Variants in FAM117A observed in about 807,000 individuals in gnomAD.
The protein encoded by FAM117A is protein FAM117A.
In FAM117A, 21 loss-of-function variants were observed where a neutral mutation model predicts 44.1. The observed-to-expected ratio is 0.48, with a 90% CI of 0.34 to 0.69. FAM117A has a LOEUF of 0.69. Among genes scored for constraint, FAM117A ranks in the 30% least tolerant of loss-of-function variants. The pLI, the probability that FAM117A is intolerant of heterozygous loss-of-function variation, is 0.01. For synonymous variants in FAM117A, 220 were observed against 238.3 expected (o/e 0.92, Z 0.71); for missense variants, 498 against 589.9 (o/e 0.84, Z 1.61).
At chr17:49,780,212 C>A (rs1232919679) in intron 1 of FAM117A, among the ~76,000 whole-genome samples, 2 of 152,186 alleles carry the variant, frequency 1.3e-5, no homozygotes, top group Non-Finnish European at 2.9e-5. Context: ...GCCCCTATGC[C>A]TGGGAAAGCA....
chr17:49,719,560 A>G, intron 5 of FAM117A, 200 bp downstream of exon 5: 1 of 584,530 alleles, frequency 1.7e-6, no homozygotes, highest in Middle Eastern at 4.8e-4. Flanking sequence ...ACCACCACAA[A>G]GCCTGCCCTA....
chr17:49,781,440 G>C (rs1394314957), intron 1 of FAM117A, among the ~76,000 whole-genome samples: 1 of 152,192 alleles, frequency 6.6e-6, no homozygotes, highest in Non-Finnish European at 1.5e-5. Context: ...TGTAAATTGT[G>C]AAAGTCTTTA....
chr17:49,732,880 G>A, intron 1 of FAM117A, 160 bp from the exon 2 acceptor site: 1 of 722,982 alleles, frequency 1.4e-6, no homozygotes, highest in Non-Finnish European at 2.3e-6. Context: ...AGCACATATG[G>A]TCTGACAAGA....
chr17:49,779,364 T>G (rs1178590306), intron 1 of FAM117A, among the ~76,000 whole-genome samples: 1 of 152,202 alleles, frequency 6.6e-6, no homozygotes. Context: ...CTTCCCAGCA[T>G]CCTGACATGG....
At chr17:49,771,849 G>A (rs1003489522) in intron 1 of FAM117A, among the ~76,000 whole-genome samples, 1 of 152,174 alleles carries the variant, frequency 6.6e-6, no homozygotes, top group Non-Finnish European at 1.5e-5. Context: ...CTTCTCCACT[G>A]TTCCCACTTA....
chr17:49,719,089 C>T (rs1320067114), intron 5 of FAM117A, among the ~76,000 whole-genome samples: 1 of 151,656 alleles, frequency 6.6e-6, no homozygotes, highest in Non-Finnish European at 1.5e-5. Context: ...TGGTGAAACC[C>T]CATCTCTATT....
intron 1 of FAM117A, among the ~76,000 whole-genome samples, chr17:49,749,496 G>C (rs920876460): frequency 1.4e-4 from 20 of 140,398 alleles, no homozygotes; most frequent in African/African-American, 5.0e-4. Flanking sequence ...AGAATCGCCT[G>C]AATCTGGGAG....
intron 7 of FAM117A, among the ~76,000 whole-genome samples, chr17:49,713,663 C>T (rs918076647): frequency 9.2e-5 from 14 of 152,018 alleles, no homozygotes; most frequent in African/African-American, 3.1e-4. Flanking sequence ...CCCACCACCA[C>T]ACCTGGATAA....
rs968873682 is a variant in FAM117A, at chr17:49,710,673, C to T, written c.*582G>A. ...GGGCTGGGCTGCTACTTAAGACAATCTTTAGTCAGGGTGAAAGCGAGATGA... is the reference window on the plus strand; with the variant it reads ...GGGCTGGGCTGCTACTTAAGACAATTTTTAGTCAGGGTGAAAGCGAGATGA... On this transcript the variant is annotated 3_prime_UTR_variant, in exon 8 of 8. Coordinates refer to ENST00000240364, the MANE Select transcript of FAM117A (RefSeq NM_030802.4). 6.5e-6 allele frequency: 1 copy of T among 152,746 alleles called. No individual in the cohort carries two copies. The highest frequency in any genetic ancestry group is 1.5e-5 in the Non-Finnish European group (1 of 68,142). The allele number at this position is 152,746 out of a possible 1,614,324, so 9.5% of individuals were successfully genotyped here.
In FAM117A at chr17:49,759,088, C is replaced by T. The variant is rs149345934; in HGVS notation, c.196+4804G>A. Among the ~76,000 whole-genome samples the T allele has an allele frequency of 8.5e-3, 1,291 of 152,304 alleles. 11 individuals carry two copies. Among genetic ancestry groups the T allele is most frequent in the African/African-American group, 0.012 (516 of 41,564 alleles). On this transcript the variant is annotated intron_variant, in intron 1 of 7. Transcript: ENST00000240364. ...CAACTTTCTAAAGATCTATCTATGT[C>T]TAGAATGTGAGAGAACAAAGTCCTC... is the stretch of plus-strand genomic sequence containing the variant.
At chr17:49,777,736 G>A (rs1294105250) in intron 1 of FAM117A, among the ~76,000 whole-genome samples, 3 of 152,194 alleles carry the variant, frequency 2.0e-5, no homozygotes, top group Admixed American at 1.3e-4. Flanking sequence ...TGGGACCGGG[G>A]CTAATGGCCT....
chr17:49,717,880 C>G (rs1222425485), intron 5 of FAM117A, 166 bp from the exon 6 acceptor site: 1 of 573,648 alleles, frequency 1.7e-6, no homozygotes, highest in Non-Finnish European at 3.0e-6. Context: ...ACCCTTCAAT[C>G]TAGAAGAAAC....
At chr17:49,787,548 C>G (rs2073821209) in intron 1 of FAM117A, among the ~76,000 whole-genome samples, 1 of 152,182 alleles carries the variant, frequency 6.6e-6, no homozygotes, top group African/African-American at 2.4e-5. Flanking sequence ...AGCCCTGCTC[C>G]TGGGGGAAAT....
At chr17:49,772,784 T>C (rs558354887) in intron 1 of FAM117A, among the ~76,000 whole-genome samples, 5 of 152,130 alleles carry the variant, frequency 3.3e-5, no homozygotes, top group African/African-American at 9.6e-5. Flanking sequence ...TATGAAAATA[T>C]AACAGAAGAG....
At chr17:49,777,802 A>G (rs2073779200) in intron 1 of FAM117A, among the ~76,000 whole-genome samples, 2 of 152,124 alleles carry the variant, frequency 1.3e-5, no homozygotes, top group Admixed American at 1.3e-4. Flanking sequence ...TGAGAGATGC[A>G]GCCATTTTTA....
intron 1 of FAM117A, among the ~76,000 whole-genome samples, chr17:49,782,028 A>G (rs1299606473): frequency 6.6e-6 from 1 of 152,000 alleles, no homozygotes; most frequent in Non-Finnish European, 1.5e-5. Context: ...ATGTTAAAAT[A>G]TGCACATAAA....
At chr17:49,779,119 C>T (rs1003798758) in intron 1 of FAM117A, among the ~76,000 whole-genome samples, 11 of 152,124 alleles carry the variant, frequency 7.2e-5, no homozygotes, top group African/African-American at 1.9e-4. Flanking sequence ...AGTGAAGCTG[C>T]GGCACTGAGA....
intron 1 of FAM117A, among the ~76,000 whole-genome samples, chr17:49,742,119 G>C (rs1284135593): frequency 1.3e-5 from 2 of 151,766 alleles, no homozygotes; most frequent in Non-Finnish European, 2.9e-5. Context: ...CTACCAATAA[G>C]ACTACCCCAA....
At position 49,785,994 on chromosome 17, in the gene FAM117A, G is replaced by A. The variant is rs547236556; in HGVS notation, c.-621+2503C>T. On this transcript the variant is annotated intron_variant, in intron 1 of 7. Transcript: ENST00000513602. Reference sequence around the variant, plus strand: ...CTGCTTGGAAAGCTAATTGTGTTGTGATGAACATGACTCTCAAAGTAAATA... The same window carrying A: ...CTGCTTGGAAAGCTAATTGTGTTGTAATGAACATGACTCTCAAAGTAAATA... Among the ~76,000 whole-genome samples the A allele has an allele frequency of 2.0e-5, 3 of 152,284 alleles. No individual in the cohort carries two copies. In the South Asian group the frequency reaches 6.2e-4, roughly 32 times the overall value.
Sources: allele counts gnomAD v4.1 joint callset (sites outside exome capture counted in the v4.1 genomes callset), GRCh38; gene constraint gnomAD v4.1.1; transcripts MANE v1.5; gene names NCBI Gene and HGNC (gene_info 2026-07-23, HGNC 2026-07-21).